The following PLD5 variants were observed in gnomAD, a reference collection of about 807,000 sequenced individuals.
PLD5 encodes phospholipase D family member 5.
In PLD5, 36 loss-of-function variants were observed where a neutral mutation model predicts 61.1. That is an observed-to-expected ratio of 0.59 (90% CI 0.45 to 0.78). The LOEUF is 0.78. PLD5 is among the 30% of genes least tolerant of loss of function. The pLI is 0.00. For synonymous variants in PLD5, 243 were observed against 242.8 expected, an observed-to-expected ratio of 1.00 and a Z score of -0.01; for missense variants, 515 against 644.4, an observed-to-expected ratio of 0.80 and a Z score of 2.17.
chr1:242,273,323 T>C (rs1674221403), intron 3 of PLD5, among the ~76,000 whole-genome samples: 1 of 152,108 alleles, frequency 6.6e-6, no homozygotes, highest in African/African-American at 2.4e-5. Context: ...ATCCAGTCTA[T>C]CATTGATGGG....
At chr1:242,187,814 A>T (rs1668001119) in intron 5 of PLD5, among the ~76,000 whole-genome samples, 1 of 152,214 alleles carries the variant, frequency 6.6e-6, no homozygotes, top group Admixed American at 6.5e-5. Context: ...ATGTGCAAAG[A>T]CGTAAGAGAT....
At chr1:242,336,740 T>C (rs973787322) in intron 2 of PLD5, among the ~76,000 whole-genome samples, 15 of 152,130 alleles carry the variant, frequency 9.9e-5, no homozygotes, top group African/African-American at 3.6e-4. Context: ...ATATTAGTTT[T>C]TCTATTGCAT....
intron 1 of PLD5, among the ~76,000 whole-genome samples, chr1:242,362,693 C>G (rs1010998096): frequency 1.2e-4 from 18 of 152,070 alleles, no homozygotes; most frequent in Non-Finnish European, 1.8e-4. Context: ...CTCTAGACTA[C>G]AAATGGCTTA....
In PLD5 at chr1:242,434,444, CCAA is replaced by C. The variant is rs370549135; in HGVS notation, c.190-86205_190-86203del. ...TGGGTTTGATATGCCTAGCAGAGTT[CCAA>C]CTGGAAATGCCAAGGAGGCTATAGA... is the stretch of plus-strand genomic sequence containing the variant. On this transcript the variant is annotated intron_variant, in intron 1 of 9. Coordinates refer to ENST00000536534, the MANE Select transcript of PLD5 (RefSeq NM_001372062.1). 2.0e-4 allele frequency among the ~76,000 whole-genome samples: 30 copies of C among 152,168 alleles called. 1 individual carries two copies. Among genetic ancestry groups the C allele is most frequent in the African/African-American group, 7.0e-4 (29 of 41,516 alleles).
rs1159882646 is a variant in PLD5, at chr1:242,207,834, TTATATA to T, written c.735+12148_735+12153del. Among the ~76,000 whole-genome samples, 9 of 45,856 alleles carry T rather than the reference TTATATA, an allele frequency of 2.0e-4. 1 individual carries two copies. The highest frequency in any genetic ancestry group is 2.2e-4 in the Non-Finnish European group (6 of 27,510). The allele number at this position is 45,856 out of a possible 152,430, so 30.1% of individuals were successfully genotyped here. On this transcript the variant is annotated intron_variant, in intron 5 of 9. Transcript: ENST00000536534. ...TTTATATTTATATATTTATATATAT[TTATATA>T]TTTATATATATTTATATATTTATAT...
intron 7 of PLD5, among the ~76,000 whole-genome samples, chr1:242,112,304 T>TAA (rs1481928194): frequency 2.9e-4 from 21 of 72,512 alleles, no homozygotes; most frequent in Non-Finnish European, 4.1e-4. Flanking sequence ...TGTGTGTGTG[T>TAA]GTGTGTGTGT....
chr1:242,219,243 T>TAG (rs1489089633), intron 5 of PLD5, among the ~76,000 whole-genome samples: 1 of 152,168 alleles, frequency 6.6e-6, no homozygotes, highest in Non-Finnish European at 1.5e-5. Context: ...TAATTTAAGA[T>TAG]AGATGATTAA....
chr1:242,175,006 C>T (rs531619996), intron 5 of PLD5, among the ~76,000 whole-genome samples: 5 of 151,960 alleles, frequency 3.3e-5, no homozygotes, highest in Non-Finnish European at 7.4e-5. Flanking sequence ...CAAACCTGCA[C>T]GTTGTGCACA....
At chr1:242,278,265 C>G (rs553277068) in intron 3 of PLD5, among the ~76,000 whole-genome samples, 1 of 151,980 alleles carries the variant, frequency 6.6e-6, no homozygotes, top group Admixed American at 6.6e-5. Flanking sequence ...AAAAAATAAA[C>G]CAGCATACAA....
chr1:242,219,839 A>T, intron 5 of PLD5, 149 bp downstream of exon 5: 1 of 1,052,284 alleles, frequency 9.5e-7, no homozygotes, highest in Non-Finnish European at 1.3e-6. Context: ...TTATCCTTTC[A>T]CATAAAAGGA....
At chr1:242,398,192 G>A (rs1052979102) in intron 1 of PLD5, among the ~76,000 whole-genome samples, 3 of 152,204 alleles carry the variant, frequency 2.0e-5, no homozygotes, top group Non-Finnish European at 4.4e-5. Flanking sequence ...TATCCTAAGT[G>A]TATTGAGGTC....
At chr1:242,152,818 C>G (rs533732495) in intron 5 of PLD5, among the ~76,000 whole-genome samples, 3 of 152,062 alleles carry the variant, frequency 2.0e-5, no homozygotes, top group African/African-American at 7.3e-5. Context: ...AATAAACATA[C>G]GTGTGCATGT....
At chr1:242,439,030 T>C (rs559041407) in intron 1 of PLD5, among the ~76,000 whole-genome samples, 8 of 152,218 alleles carry the variant, frequency 5.3e-5, no homozygotes, top group Non-Finnish European at 1.2e-4. Context: ...TATTGTTTAG[T>C]TCCCTCATGT....
intron 4 of PLD5, among the ~76,000 whole-genome samples, chr1:242,241,934 T>TTA (rs1227355261): frequency 3.3e-5 from 4 of 122,628 alleles, no homozygotes; most frequent in Admixed American, 8.9e-5. Flanking sequence ...ATATATACGC[T>TTA]TATATATATA....
chr1:242,158,075 A>G (rs779885925), intron 5 of PLD5, among the ~76,000 whole-genome samples: 1 of 152,134 alleles, frequency 6.6e-6, no homozygotes, highest in Non-Finnish European at 1.5e-5. Context: ...GCCCAGTTCA[A>G]ACTTCTGGAC....
chr1:242,508,492 C>A (rs75038691), intron 1 of PLD5, among the ~76,000 whole-genome samples: 2 of 152,296 alleles, frequency 1.3e-5, no homozygotes, highest in Non-Finnish European at 2.9e-5. Flanking sequence ...CTCTTCACCA[C>A]GCTCTGTACT....
At chr1:242,207,991 T>TAC (rs34110062) in intron 5 of PLD5, among the ~76,000 whole-genome samples, 12,152 of 40,232 alleles carry the variant, frequency 0.3, 4,610 homozygotes, top group Non-Finnish European at 0.36. Context: ...TATATATTTA[T>TAC]ACACACACAC....
chr1:242,093,614 G>A (rs962525316), intron 9 of PLD5, among the ~76,000 whole-genome samples: 2 of 152,004 alleles, frequency 1.3e-5, no homozygotes, highest in African/African-American at 4.8e-5. Flanking sequence ...CTGACCCCGG[G>A]GTCCACCCTT....
intron 5 of PLD5, chr1:242,177,650 T>A (rs1001292133): frequency 6.6e-6 from 1 of 152,188 alleles, no homozygotes; most frequent in African/African-American, 2.4e-5. Context: ...CTAATTGTTT[T>A]TTGCTTTTCA....
Sources: gnomAD v4.1 joint callset for allele counts (sites outside exome capture counted in the v4.1 genomes callset) on GRCh38, gnomAD v4.1.1 for gene constraint, MANE v1.5 for transcripts, NCBI Gene and HGNC (gene_info 2026-07-23, HGNC 2026-07-21) for gene names.